CPA6: variants seen among roughly 807,000 people sequenced by gnomAD.
The protein encoded by CPA6 is carboxypeptidase A6.
Under a neutral mutation model 63.3 loss-of-function variants are expected in CPA6, and 58 were observed. That is an observed-to-expected ratio of 0.92 (90% CI 0.74 to 1.14). The LOEUF is 1.14. CPA6 is among the 50% of genes most tolerant of loss of function. The pLI is 0.00. For synonymous variants in CPA6, 185 were observed against 179.0 expected (o/e 1.03, Z -0.27); for missense variants, 565 against 526.6 (o/e 1.07, Z -0.71).
intron 1 of CPA6, among the ~76,000 whole-genome samples, chr8:67,654,372 C>T (rs1373186505): frequency 2.6e-5 from 4 of 152,150 alleles, no homozygotes; most frequent in African/African-American, 9.7e-5. Flanking sequence ...TCCGTCTGGT[C>T]CTGGACTCTT....
chr8:67,430,465 T>A (rs1810003370), intron 9 of CPA6, among the ~76,000 whole-genome samples: 1 of 152,176 alleles, frequency 6.6e-6, no homozygotes. Flanking sequence ...ATATTTTTAT[T>A]TAAATATTTC....
intron 8 of CPA6, among the ~76,000 whole-genome samples, chr8:67,479,831 T>C (rs1811319251): frequency 6.6e-6 from 1 of 152,148 alleles, no homozygotes; most frequent in Non-Finnish European, 1.5e-5. Flanking sequence ...GAGGAACTCA[T>C]CGTTTTAGAA....
chr8:67,629,207 C>T (rs1815262602), intron 1 of CPA6, among the ~76,000 whole-genome samples: 1 of 152,024 alleles, frequency 6.6e-6, no homozygotes, highest in South Asian at 2.1e-4. Flanking sequence ...GTGACTCATA[C>T]CTGCAATTCC....
chr8:67,628,518 C>G (rs2128987604), intron 1 of CPA6, among the ~76,000 whole-genome samples: 2 of 152,312 alleles, frequency 1.3e-5, no homozygotes, highest in Middle Eastern at 6.8e-3. Context: ...AGTTCTCTTC[C>G]AACTCCAAGC....
rs769586089 is a variant in CPA6 at position 67,582,234 on chromosome 8, C to T, written c.192+41942G>A. On this transcript the variant is annotated intron_variant, in intron 2 of 10. Coordinates refer to ENST00000297770, the MANE Select transcript of CPA6 (RefSeq NM_020361.5). ...TACTGAGAGCCCACCTCAGATTCAT[C>T]GCACAAGGTCAGTTCCAATATATAT... Among the ~76,000 whole-genome samples, 5 of 152,078 alleles carry T rather than the reference C, an allele frequency of 3.3e-5. No homozygotes were observed. In the East Asian group the frequency reaches 5.8e-4, roughly 18 times the overall value.
chr8:67,693,518 A>G (rs1021795279), intron 1 of CPA6, among the ~76,000 whole-genome samples: 7 of 152,218 alleles, frequency 4.6e-5, no homozygotes, highest in African/African-American at 1.7e-4. Flanking sequence ...ATATGCTAAA[A>G]TCCTAACTCC....
chr8:67,445,986 C>T (rs947828820), intron 8 of CPA6, among the ~76,000 whole-genome samples: 4 of 152,080 alleles, frequency 2.6e-5, no homozygotes, highest in South Asian at 4.1e-4. Context: ...CATTTACGGC[C>T]GGGGGCGGTG....
chr8:67,707,418 A>G (rs2128999772), intron 1 of CPA6, among the ~76,000 whole-genome samples: 1 of 152,374 alleles, frequency 6.6e-6, no homozygotes, highest in Admixed American at 6.5e-5. Flanking sequence ...GTATACTCCT[A>G]TAAACAAAAT....
chr8:67,511,470 T>G (rs1241062537), intron 4 of CPA6, 71 bp downstream of exon 4: 7 of 843,666 alleles, frequency 8.3e-6, no homozygotes, highest in Non-Finnish European at 1.2e-5. Context: ...AAACACATAA[T>G]TTTCTCCCTT....
At chr8:67,633,660 G>C (rs1815396745) in intron 1 of CPA6, among the ~76,000 whole-genome samples, 1 of 136,470 alleles carries the variant, frequency 7.3e-6, no homozygotes, top group Admixed American at 7.9e-5. Context: ...CAGCCTGGGC[G>C]ACAGAGCGAG....
intron 1 of CPA6, among the ~76,000 whole-genome samples, chr8:67,694,461 A>G (rs992776148): frequency 6.6e-6 from 1 of 152,224 alleles, no homozygotes; most frequent in Non-Finnish European, 1.5e-5. Context: ...ACTAAGTGTT[A>G]TCTGACCCAC....
chr8:67,611,663 C>G (rs1814810310), intron 2 of CPA6, among the ~76,000 whole-genome samples: 3 of 152,152 alleles, frequency 2.0e-5, no homozygotes, highest in Admixed American at 2.0e-4. Context: ...GAGGACTTTT[C>G]AAGACACTGG....
intron 2 of CPA6, among the ~76,000 whole-genome samples, chr8:67,599,145 T>C (rs1046444975): frequency 3.9e-5 from 6 of 152,314 alleles, no homozygotes; most frequent in Admixed American, 3.3e-4. Flanking sequence ...CACAAATAAT[T>C]GTATGTAAAA....
At chr8:67,527,389 C>A (rs2047833) in intron 2 of CPA6, among the ~76,000 whole-genome samples, 67,500 of 152,116 alleles carry the variant, frequency 0.44, 18,809 homozygotes, top group African/African-American at 0.8. Context: ...AAAAAAATCA[C>A]ATAAAGCTCA....
At chr8:67,681,241 C>T (rs372511223) in intron 1 of CPA6, among the ~76,000 whole-genome samples, 17 of 93,844 alleles carry the variant, frequency 1.8e-4, no homozygotes, top group South Asian at 1.5e-3. Flanking sequence ...CTCGCTCTGT[C>T]GCCCAGGCCG....
intron 1 of CPA6, among the ~76,000 whole-genome samples, chr8:67,700,994 G>A (rs1366421521): frequency 3.1e-4 from 47 of 152,010 alleles, no homozygotes; most frequent in Non-Finnish European, 7.4e-5. Flanking sequence ...GAATATTATA[G>A]ACATAATCAT....
intron 2 of CPA6, among the ~76,000 whole-genome samples, chr8:67,623,829 G>T (rs927945572): frequency 2.0e-5 from 3 of 152,034 alleles, no homozygotes; most frequent in African/African-American, 7.2e-5. Context: ...AGAGGCTGAG[G>T]TGGGTGGATC....
At chr8:67,464,181 TTTATTA>T (rs1215241343) in intron 8 of CPA6, among the ~76,000 whole-genome samples, 1 of 152,204 alleles carries the variant, frequency 6.6e-6, no homozygotes, top group Non-Finnish European at 1.5e-5. Context: ...ATCTGTTATT[TTTATTA>T]TTATTTTTTA....
chr8:67,472,441 T>TTTTA (rs1491409676), intron 8 of CPA6, among the ~76,000 whole-genome samples: 21 of 151,502 alleles, frequency 1.4e-4, no homozygotes, highest in Admixed American at 2.6e-4. Flanking sequence ...TTTTATTTTA[T>TTTTA]TGAGACAGGG....
Sources: allele counts gnomAD v4.1 joint callset (sites outside exome capture counted in the v4.1 genomes callset), GRCh38; gene constraint gnomAD v4.1.1; transcripts MANE v1.5; gene names NCBI Gene and HGNC (gene_info 2026-07-23, HGNC 2026-07-21).